Variants in SPMAP2L observed in about 807,000 individuals in gnomAD.
SPMAP2L encodes the protein sperm microtubule associated protein 2 like.
chr4:56,543,907 T>A, the SPMAP2L span, among the ~76,000 whole-genome samples: 3 of 116,396 alleles, frequency 2.6e-5, no homozygotes, highest in Non-Finnish European at 3.8e-5. Flanking sequence ...TGTGTGTGTG[T>A]GTGTGTGTGT....
At chr4:56,604,774 T>C in the SPMAP2L span, among the ~76,000 whole-genome samples, 18 of 151,808 alleles carry the variant, frequency 1.2e-4, no homozygotes, top group South Asian at 3.3e-3. Context: ...AACCAACAAG[T>C]GGATAAAGAG....
At chr4:56,605,682 C>T in the SPMAP2L span, among the ~76,000 whole-genome samples, 1 of 152,114 alleles carries the variant, frequency 6.6e-6, no homozygotes, top group Non-Finnish European at 1.5e-5. Context: ...ACTAGGGCTC[C>T]TCACCCAACC....
chr4:56,531,122 C>T, the SPMAP2L span: 1 of 1,535,330 alleles, frequency 6.5e-7, no homozygotes. Flanking sequence ...ATCTCCCCCT[C>T]TCTGATCACC....
chr4:56,585,669 T>C, the SPMAP2L span, among the ~76,000 whole-genome samples: 1 of 152,208 alleles, frequency 6.6e-6, no homozygotes. Flanking sequence ...GGCCTGAACT[T>C]ACCACTTTCT....
chr4:56,564,836 T>C, the SPMAP2L span, among the ~76,000 whole-genome samples: 17 of 152,346 alleles, frequency 1.1e-4, no homozygotes, highest in Admixed American at 2.6e-4. Flanking sequence ...TTGTTTTAGC[T>C]GCATTCCACA....
the SPMAP2L span, among the ~76,000 whole-genome samples, chr4:56,604,783 A>C: frequency 2.0e-5 from 3 of 152,258 alleles, no homozygotes; most frequent in African/African-American, 7.2e-5. Flanking sequence ...GTGGATAAAG[A>C]GAGTGTGGTA....
the SPMAP2L span, among the ~76,000 whole-genome samples, chr4:56,596,060 T>A: frequency 1.3e-5 from 2 of 152,204 alleles, no homozygotes; most frequent in East Asian, 3.8e-4. Flanking sequence ...TAATAGACAT[T>A]TTTTTGTTCC....
chr4:56,612,447 T>C, the SPMAP2L span, among the ~76,000 whole-genome samples: 1 of 151,926 alleles, frequency 6.6e-6, no homozygotes, highest in South Asian at 2.1e-4. Context: ...GTTCAAGCGA[T>C]TCTCGTGCCT....
the SPMAP2L span, chr4:56,584,696 C>A: frequency 1.1e-6 from 1 of 924,842 alleles, no homozygotes. Flanking sequence ...GTTTTCCTTT[C>A]TTCCTGTTTA....
chr4:56,554,134 C>T, the SPMAP2L span, among the ~76,000 whole-genome samples: 2 of 152,022 alleles, frequency 1.3e-5, no homozygotes, highest in Non-Finnish European at 2.9e-5. Flanking sequence ...CAATATTTGT[C>T]AATTATGAAT....
At chr4:56,575,134 A>G in the SPMAP2L span, among the ~76,000 whole-genome samples, 1 of 152,000 alleles carries the variant, frequency 6.6e-6, no homozygotes, top group Admixed American at 6.6e-5. Context: ...CTGTAGTACC[A>G]GCTACTCGGG....
At chr4:56,577,538 A>T in the SPMAP2L span, among the ~76,000 whole-genome samples, 4 of 152,110 alleles carry the variant, frequency 2.6e-5, no homozygotes, top group Non-Finnish European at 5.9e-5. Flanking sequence ...GTGAGCAGAG[A>T]TTGCGCCACT....
the SPMAP2L span, among the ~76,000 whole-genome samples, chr4:56,596,865 A>T: frequency 4.1e-4 from 62 of 152,322 alleles, no homozygotes; most frequent in African/African-American, 1.4e-3. Flanking sequence ...CAGCCTCGTC[A>T]CTACAAGCTC....
chr4:56,537,500 T>A, the SPMAP2L span, among the ~76,000 whole-genome samples: 296 of 152,312 alleles, frequency 1.9e-3, no homozygotes, highest in Non-Finnish European at 3.1e-3. Flanking sequence ...GTCTCCCCCA[T>A]CTAAGAAAAT....
the SPMAP2L span, among the ~76,000 whole-genome samples, chr4:56,575,832 G>A: frequency 6.6e-6 from 1 of 152,146 alleles, no homozygotes; most frequent in Non-Finnish European, 1.5e-5. Flanking sequence ...AATTACATTT[G>A]ACTCACATTG....
chr4:56,547,053 T>TATA, the SPMAP2L span, among the ~76,000 whole-genome samples: 2 of 152,222 alleles, frequency 1.3e-5, no homozygotes, highest in Non-Finnish European at 2.9e-5. Flanking sequence ...CATGCTTGCC[T>TATA]ATAGGAGCCA....
the SPMAP2L span, among the ~76,000 whole-genome samples, chr4:56,583,534 T>C: frequency 1.3e-5 from 2 of 152,206 alleles, no homozygotes; most frequent in Non-Finnish European, 2.9e-5. Flanking sequence ...TAATCATGTA[T>C]TTATTTGAGA....
chr4:56,558,109 C>T, the SPMAP2L span, among the ~76,000 whole-genome samples: 1 of 152,090 alleles, frequency 6.6e-6, no homozygotes, highest in East Asian at 1.9e-4. Context: ...GCTGGGATTA[C>T]AGGCATCCAC....
chr4:56,614,359 A>T, the SPMAP2L span, among the ~76,000 whole-genome samples: 1 of 152,066 alleles, frequency 6.6e-6, no homozygotes, highest in Non-Finnish European at 1.5e-5. Context: ...GTAAGTTTTG[A>T]GTTCTCTGAT....
Sources: gnomAD v4.1 joint callset for allele counts (sites outside exome capture counted in the v4.1 genomes callset) on GRCh38, gnomAD v4.1.1 for gene constraint, MANE v1.5 for transcripts, NCBI Gene and HGNC (gene_info 2026-07-23, HGNC 2026-07-21) for gene names.